The following PCDHA2 variants were observed in gnomAD, a reference collection of about 807,000 sequenced individuals.
PCDHA2 encodes the protein protocadherin alpha 2.
In PCDHA2, 58 loss-of-function variants were observed where a neutral mutation model predicts 66.0. That is an observed-to-expected ratio of 0.88 (90% CI 0.71 to 1.09). The LOEUF (loss-of-function observed/expected upper bound fraction) is 1.09. Ranked by LOEUF, PCDHA2 falls within the 50% of genes least tolerant of loss-of-function variation. PCDHA2 has a pLI of 0.00. For synonymous variants in PCDHA2, 634 were observed against 554.0 expected, an observed-to-expected ratio of 1.14 and a Z score of -2.03; for missense variants, 1,267 against 1,242.3, an observed-to-expected ratio of 1.02 and a Z score of -0.30.
intron 1 of PCDHA2, chr5:140,850,245 T>C (rs2150475422): frequency 5.6e-6 from 9 of 1,593,300 alleles, no homozygotes; most frequent in Non-Finnish European, 6.9e-6. Context: ...GGTGCTGCGG[T>C]CGGTGGGCGC....
intron 1 of PCDHA2, chr5:140,968,919 T>C (rs2096279642): frequency 1.2e-6 from 2 of 1,614,116 alleles, no homozygotes; most frequent in South Asian, 1.1e-5. Flanking sequence ...GTGTCTTTTA[T>C]ATTTCTTTTG....
chr5:140,982,153 C>T (rs990862287), intron 2 of PCDHA2, among the ~76,000 whole-genome samples: 1 of 152,162 alleles, frequency 6.6e-6, no homozygotes, highest in Non-Finnish European at 1.5e-5. Flanking sequence ...GCTTCAGTAT[C>T]GAGATGTTAA....
At chr5:140,955,343 A>G (rs1031411707) in intron 1 of PCDHA2, among the ~76,000 whole-genome samples, 16 of 152,134 alleles carry the variant, frequency 1.1e-4, no homozygotes, top group African/African-American at 3.9e-4. Context: ...TAATCCCCAC[A>G]TGTTGTGAGA....
chr5:140,930,824 T>C (rs545304113), intron 1 of PCDHA2, among the ~76,000 whole-genome samples: 16 of 152,342 alleles, frequency 1.1e-4, no homozygotes, highest in African/African-American at 3.8e-4. Context: ...TAGTAAATGC[T>C]GACTGAATGA....
At chr5:140,980,897 A>G (rs2096910436) in intron 2 of PCDHA2, among the ~76,000 whole-genome samples, 1 of 152,186 alleles carries the variant, frequency 6.6e-6, no homozygotes, top group African/African-American at 2.4e-5. Context: ...AGTCTTGGAC[A>G]TCATGTAACT....
chr5:140,797,495 C>T, intron 1 of PCDHA2, 143 bp downstream of exon 1: 2 of 933,764 alleles, frequency 2.1e-6, no homozygotes, highest in Middle Eastern at 3.2e-4. Flanking sequence ...AATTAGAGAT[C>T]AATTTATTGC....
At chr5:140,831,306 T>C (rs183127470) in intron 1 of PCDHA2, 1 of 152,292 alleles carries the variant, frequency 6.6e-6, no homozygotes, top group Non-Finnish European at 1.5e-5. Flanking sequence ...ATCTATTTCT[T>C]TGTATTAGTG....
intron 1 of PCDHA2, among the ~76,000 whole-genome samples, chr5:140,916,761 G>A (rs1391817856): frequency 2.0e-5 from 3 of 152,306 alleles, no homozygotes; most frequent in South Asian, 2.1e-4. Flanking sequence ...TTAGGGGAGG[G>A]GTGGCACAAG....
intron 1 of PCDHA2, among the ~76,000 whole-genome samples, chr5:140,840,213 T>C (rs1554137734): frequency 6.6e-6 from 1 of 152,020 alleles, no homozygotes; most frequent in Non-Finnish European, 1.5e-5. Flanking sequence ...GTCATAAAAA[T>C]ACATATGAGT....
rs2150472537 is a variant in PCDHA2, at chr5:140,850,195, C to T, written c.2388+52843C>T. 8.8e-6 allele frequency: 14 copies of T among 1,593,610 alleles called. 2 individuals are homozygous for T. In the South Asian group the frequency reaches 1.5e-4, roughly 18 times the overall value. The stretch of plus-strand genomic sequence containing the variant: ...AACGACAATGCGCCGGCGCTGCTGA[C>T]ACCTCGGATGAGGGGCACTGACGGC... On this transcript the variant is annotated intron_variant, in intron 1 of 3. Transcript: ENST00000526136.
At chr5:140,877,798 C>T in intron 1 of PCDHA2, 2 of 1,613,568 alleles carry the variant, frequency 1.2e-6, no homozygotes. Flanking sequence ...CAGCCCAAGC[C>T]TTCAGCTGTC....
chr5:140,842,235 G>A (rs201880118), intron 1 of PCDHA2: 39 of 1,612,410 alleles, frequency 2.4e-5, no homozygotes, highest in Non-Finnish European at 3.0e-5. Flanking sequence ...ATAGTGATTC[G>A]GGGTAATTTG....
chr5:140,803,125 C>G (rs781899440), intron 1 of PCDHA2: 3 of 1,613,678 alleles, frequency 1.9e-6, no homozygotes, highest in East Asian at 2.2e-5. Context: ...GTGGACGCCC[C>G]GCGCCATCGC....
At chr5:140,940,731 G>T (rs1195223562) in intron 1 of PCDHA2, among the ~76,000 whole-genome samples, 2 of 152,162 alleles carry the variant, frequency 1.3e-5, no homozygotes, top group Admixed American at 1.3e-4. Flanking sequence ...CAGCTGGACA[G>T]CTCCATATTT....
At chr5:140,947,134 A>T in intron 1 of PCDHA2, among the ~76,000 whole-genome samples, 1 of 151,648 alleles carries the variant, frequency 6.6e-6, no homozygotes, top group Admixed American at 6.6e-5. Context: ...AAAAATAGTA[A>T]AATGTATAGT....
At chr5:140,945,488 C>T (rs1362622912) in intron 1 of PCDHA2, among the ~76,000 whole-genome samples, 1 of 151,910 alleles carries the variant, frequency 6.6e-6, no homozygotes, top group Non-Finnish European at 1.5e-5. Flanking sequence ...ACCCCAAATA[C>T]CCAAAGCAAT....
chr5:140,860,034 A>G (rs1356064800), intron 1 of PCDHA2: 3 of 150,432 alleles, frequency 2.0e-5, no homozygotes, highest in Non-Finnish European at 3.0e-5. Context: ...CACACCTGTA[A>G]TCCCAGCATT....
chr5:140,877,604 T>G (rs376081263), intron 1 of PCDHA2: 2 of 1,613,768 alleles, frequency 1.2e-6, no homozygotes, highest in African/African-American at 1.3e-5. Context: ...TCCAGCCTGC[T>G]GGTGCTCACG....
intron 1 of PCDHA2, chr5:140,802,226 C>G: frequency 1.2e-6 from 2 of 1,614,174 alleles, no homozygotes; most frequent in Non-Finnish European, 1.7e-6. Flanking sequence ...TTGTGGACAT[C>G]AATGATAATG....
Sources: allele counts gnomAD v4.1 joint callset (sites outside exome capture counted in the v4.1 genomes callset), GRCh38; gene constraint gnomAD v4.1.1; transcripts MANE v1.5; gene names NCBI Gene and HGNC (gene_info 2026-07-23, HGNC 2026-07-21).